The following BTD variants were observed in gnomAD, a reference collection of about 807,000 sequenced individuals.
BTD encodes the protein biotinidase, also known as biocytinase.
BTD carries 13 observed loss-of-function variants against 17.7 expected under a neutral mutation model. The observed-to-expected ratio is 0.74, with a 90% CI of 0.48 to 1.17. BTD has a LOEUF of 1.17. Ranked by LOEUF, BTD falls within the 50% of genes most tolerant of loss-of-function variation. The pLI is 0.00. For synonymous variants in BTD, 240 were observed against 245.2 expected, an observed-to-expected ratio of 0.98 and a Z score of 0.20; for missense variants, 674 against 650.4, an observed-to-expected ratio of 1.04 and a Z score of -0.39.
In BTD at chr3:15,652,637, T is replaced by C. The variant is rs1041544959; in HGVS notation, c.*7149T>C. 6.6e-6 allele frequency among the ~76,000 whole-genome samples: 1 copy of C among 152,192 alleles called. No homozygotes were observed. Among genetic ancestry groups the C allele is most frequent in the Non-Finnish European group, 1.5e-5 (1 of 68,034 alleles). The stretch of plus-strand genomic sequence containing the variant: ...AACTATAAAATATAAATGTGTGTTG[T>C]TTTAAAATCCTAGGTTTTGAGGTAA... On this transcript the variant is annotated 3_prime_UTR_variant, in exon 4 of 4. Coordinates refer to ENST00000643237, the MANE Select transcript of BTD (RefSeq NM_001370658.1).
In BTD at chr3:15,653,700, T is replaced by C. The variant is rs2065840443; in HGVS notation, c.*8212T>C. Among the ~76,000 whole-genome samples, 1 of 152,264 alleles carries C rather than the reference T, an allele frequency of 6.6e-6. No homozygotes were observed. Among genetic ancestry groups the C allele is most frequent in the Admixed American group, 6.5e-5 (1 of 15,290 alleles). On this transcript the variant is annotated 3_prime_UTR_variant, in exon 4 of 4. Transcript: ENST00000643237. The stretch of plus-strand genomic sequence containing the variant: ...TGATTCTTTGATAATTAAAGAAAGA[T>C]GTAATTATGTATAATGTGATTTGTA...
chr3:15,645,179 G>T lies in BTD; in HGVS notation c.1263G>T (p.Gly421=). The T allele has an allele frequency of 6.2e-7, 1 of 1,614,148 alleles. No homozygotes were observed. The highest frequency in any genetic ancestry group is 8.5e-7 in the Non-Finnish European group (1 of 1,180,008). ...PTLSKELYAL[G]VFDGLHTVHG... ...TATCCAAAGAGCTGTATGCCCTGGG[G>T]GTCTTTGATGGGCTTCACACAGTAC... The change falls in exon 4 of 4, where the codon GGG becomes GGT. Residue 421 remains glycine (G), a synonymous_variant. Transcript: ENST00000643237.
chr3:15,611,364 AAG>A (rs1278632694), intron 1 of BTD, among the ~76,000 whole-genome samples: 2 of 152,186 alleles, frequency 1.3e-5, no homozygotes, highest in African/African-American at 4.8e-5. Flanking sequence ...TAGGCCCAGA[AAG>A]AGAGGGATCC....
At chr3:15,677,172 G>C in intron 3 of BTD, 1 of 801,706 alleles carries the variant, frequency 1.2e-6, no homozygotes, top group Non-Finnish European at 2.0e-6. Context: ...CATATACCAT[G>C]AATTTTCCTG....
At chr3:15,636,424 G>A (rs1276902269) in intron 2 of BTD, among the ~76,000 whole-genome samples, 1 of 152,190 alleles carries the variant, frequency 6.6e-6, no homozygotes, top group Admixed American at 6.5e-5. Flanking sequence ...GAAGGGTGGG[G>A]ACAAAGGAGA....
In BTD at chr3:15,635,335, G is replaced by T. The variant is rs927006618; in HGVS notation, c.-16-89G>T. 4 of 1,587,444 alleles carry T rather than the reference G, an allele frequency of 2.5e-6. No homozygotes were observed. Among genetic ancestry groups the T allele is most frequent in the Non-Finnish European group, 3.4e-6 (4 of 1,160,070 alleles). ...AGTATCACTGCGAGTGAGTTTAATTGCTGGGATTAATAAATCACAGCTGCA... is the reference window on the plus strand; with the variant it reads ...AGTATCACTGCGAGTGAGTTTAATTTCTGGGATTAATAAATCACAGCTGCA... On this transcript the variant is annotated intron_variant, in intron 1 of 3. Coordinates refer to ENST00000643237, the MANE Select transcript of BTD (RefSeq NM_001370658.1). This position sits in a 1 kb window ranked among gnomAD's most constrained non-coding sequence, Gnocchi z 4.1.
intron 3 of BTD, among the ~76,000 whole-genome samples, chr3:15,699,627 C>T (rs573150838): frequency 6.6e-6 from 1 of 151,822 alleles, no homozygotes; most frequent in Admixed American, 6.6e-5. Context: ...AATAGACATA[C>T]AAAAAAATGC....
chr3:15,644,775 G>A lies in BTD; in HGVS notation c.859G>A (p.Gly287Arg). Residue 287 changes from glycine (G) to arginine (R), a missense_variant, in exon 4 of 4, where the codon GGG (glycine) becomes AGG (arginine). Physicochemically the swap from Gly to Arg is moderately radical, Grantham distance 125. Coordinates refer to ENST00000643237, the MANE Select transcript of BTD (RefSeq NM_001370658.1). ...LAANVHHPVL[G>R]MTGSGIHTPL... is the part of the protein sequence containing the mutation. ...AGCTAATGTCCACCACCCAGTTCTG[G>A]GGATGACAGGAAGTGGCATACACAC... The A allele has an allele frequency of 6.2e-7, 1 of 1,614,112 alleles. No individual in the cohort carries two copies. Among genetic ancestry groups the A allele is most frequent in the South Asian group, 1.1e-5 (1 of 91,070 alleles).
At chr3:15,607,112 C>T (rs1389992486) in intron 1 of BTD, among the ~76,000 whole-genome samples, 3 of 152,118 alleles carry the variant, frequency 2.0e-5, no homozygotes, top group African/African-American at 7.2e-5. Context: ...CAGAGGCCCT[C>T]TGTGCATACT....
rs1559601685 is a variant in BTD, at chr3:15,645,998, T to C, written c.*510T>C. ...CCTTCCCATTCTGGTCGACCAGAAC[T>C]CTAGCCAGATGAAATGGCAATGCTA... On this transcript the variant is annotated 3_prime_UTR_variant, in exon 4 of 4. Coordinates refer to ENST00000643237, the MANE Select transcript of BTD (RefSeq NM_001370658.1). 6.5e-6 allele frequency: 1 copy of C among 153,084 alleles called. No homozygotes were observed. The highest frequency in any genetic ancestry group is 1.9e-4 in the East Asian group (1 of 5,210). The allele number at this position is 153,084 out of a possible 1,614,324, so 9.5% of individuals were successfully genotyped here.
At chr3:15,713,728 C>A, downstream of BTD, 1 of 761,592 alleles carries the variant, frequency 1.3e-6, no homozygotes, top group South Asian at 2.3e-5. Context: ...AAATGCTGTT[C>A]ACATACAAAC....
exon 4 of BTD, chr3:15,712,213 T>C: frequency 6.3e-7 from 1 of 1,579,812 alleles, no homozygotes; most frequent in Non-Finnish European, 8.6e-7. Flanking sequence ...ACATTCCATG[T>C]ATGCCACGCC....
At position 15,652,376 on chromosome 3, in the gene BTD, T is replaced by G. The variant is rs975779686; in HGVS notation, c.*6888T>G. Among the ~76,000 whole-genome samples the G allele has an allele frequency of 6.6e-6, 1 of 152,046 alleles. No homozygotes were observed. The highest frequency in any genetic ancestry group is 1.5e-5 in the Non-Finnish European group (1 of 67,998). On this transcript the variant is annotated 3_prime_UTR_variant, in exon 4 of 4. Transcript: ENST00000643237. ...TATCTTGGTTGCTCACTTGCTATCTTGGGTCCCTCCCTCTGGGGAAAGCCA... is the reference window on the plus strand; with the variant it reads ...TATCTTGGTTGCTCACTTGCTATCTGGGGTCCCTCCCTCTGGGGAAAGCCA...
chr3:15,694,115 T>C lies in BTD; in HGVS notation c.400-15945T>C, dbSNP rs570865740. ...AATAAATTCTTTCTGTACAGGAAGCTAGATTAGGATCTACTTGAAATTTAA... is the reference window on the plus strand; with the variant it reads ...AATAAATTCTTTCTGTACAGGAAGCCAGATTAGGATCTACTTGAAATTTAA... On this transcript the variant is annotated intron_variant, in intron 3 of 3. Transcript: ENST00000672141. 3.3e-5 allele frequency among the ~76,000 whole-genome samples: 5 copies of C among 152,276 alleles called. No individual in the cohort carries two copies. In the South Asian group the frequency reaches 8.3e-4, roughly 25 times the overall value.
rs1490406526 is a variant in BTD at position 15,653,127 on chromosome 3, C to T, written c.*7639C>T. 1.3e-5 allele frequency among the ~76,000 whole-genome samples: 2 copies of T among 152,316 alleles called. No individual in the cohort carries two copies. The highest frequency in any genetic ancestry group is 3.9e-4 in the East Asian group (2 of 5,188). ...TCGAAAGGTGGGCTCCAGGCAGCAG[C>T]ACCAGTAGCACCTGGGAAATTGTTG... On this transcript the variant is annotated 3_prime_UTR_variant, in exon 4 of 4. Transcript: ENST00000643237.
Position 15,712,140 on chromosome 3 carries a change from C to G in BTD, c.*2066C>G, listed in dbSNP as rs751442347. ...AAAAGGCTGCAAAGGTTACACTTAC[C>G]TGAAGAAAGAAGTTTTCTGCAGCAA... is the stretch of plus-strand genomic sequence containing the variant. On this transcript the variant is annotated 3_prime_UTR_variant, in exon 4 of 4. Transcript: ENST00000672141. 1.0e-5 allele frequency: 16 copies of G among 1,570,504 alleles called. No individual in the cohort carries two copies. In the South Asian group the frequency reaches 1.4e-4, roughly 14 times the overall value.
At position 15,601,794 on chromosome 3, in the gene BTD, T is replaced by C. The variant is rs1272262434; in HGVS notation, c.-117T>C. ...AGGTAAGAAGCCGAACTCTGAGGCCTCTCGCCATTGTCTCCGAGTCGGCCA... is the reference window on the plus strand; with the variant it reads ...AGGTAAGAAGCCGAACTCTGAGGCCCCTCGCCATTGTCTCCGAGTCGGCCA... On this transcript the variant is annotated 5_prime_UTR_variant, in exon 1 of 4. Coordinates refer to ENST00000643237, the MANE Select transcript of BTD (RefSeq NM_001370658.1). The C allele has an allele frequency of 6.2e-7, 1 of 1,613,872 alleles. No individual in the cohort carries two copies.
chr3:15,621,416 A>G (rs920568032), intron 1 of BTD, among the ~76,000 whole-genome samples: 2 of 152,174 alleles, frequency 1.3e-5, no homozygotes, highest in African/African-American at 4.8e-5. Context: ...GAGAATTGGT[A>G]TAATTTATTT....
chr3:15,628,678 C>T (rs574297244), intron 1 of BTD, among the ~76,000 whole-genome samples: 12 of 152,252 alleles, frequency 7.9e-5, no homozygotes, highest in Admixed American at 6.5e-4. Flanking sequence ...TCATGTGTCC[C>T]AGGACTGACT....
Sources: allele counts gnomAD v4.1 joint callset (sites outside exome capture counted in the v4.1 genomes callset), GRCh38; gene constraint gnomAD v4.1.1; non-coding constraint Gnocchi (gnomAD v3.1); transcripts MANE v1.5; gene names NCBI Gene and HGNC (gene_info 2026-07-23, HGNC 2026-07-21).